Variants in FNDC3A observed in about 807,000 individuals in gnomAD.
FNDC3A encodes fibronectin type-III domain-containing protein 3A.
Under a neutral mutation model 148.9 loss-of-function variants are expected in FNDC3A, and 32 were observed. The ratio of observed to expected loss-of-function variants is 0.21; its 90% confidence interval spans 0.16 to 0.29. The LOEUF is 0.29. Ranked by LOEUF, FNDC3A falls within the 10% of genes least tolerant of loss-of-function variation. FNDC3A has a pLI of 1.00. For missense variants in FNDC3A, 1,191 were observed against 1,452.8 expected, an observed-to-expected ratio of 0.82 and a Z score of 2.93; for synonymous variants, 472 against 473.6, an observed-to-expected ratio of 1.00 and a Z score of 0.04.
chr13:49,128,614 A>G (rs1881847091), intron 4 of FNDC3A, among the ~76,000 whole-genome samples: 1 of 152,108 alleles, frequency 6.6e-6, no homozygotes, highest in Non-Finnish European at 1.5e-5. Context: ...CTTTGTGATG[A>G]TTTCCCATTC....
intron 2 of FNDC3A, among the ~76,000 whole-genome samples, chr13:49,019,203 C>T (rs554016288): frequency 3.6e-4 from 55 of 152,336 alleles, no homozygotes; most frequent in Middle Eastern, 3.4e-3. Context: ...CCCCCAGCCT[C>T]GCTGCTGCCT....
chr13:49,108,921 C>A (rs1228624398), intron 3 of FNDC3A, among the ~76,000 whole-genome samples: 1 of 152,212 alleles, frequency 6.6e-6, no homozygotes, highest in Admixed American at 6.5e-5. Flanking sequence ...GGGTGTCTTA[C>A]ATATATTTAT....
At chr13:49,050,193 G>A (rs935463207) in intron 2 of FNDC3A, among the ~76,000 whole-genome samples, 1 of 152,098 alleles carries the variant, frequency 6.6e-6, no homozygotes, top group Admixed American at 6.5e-5. Context: ...GATCTGGATT[G>A]TTCTTGTTTT....
chr13:49,094,598 T>TGA (rs1879403961), intron 3 of FNDC3A, among the ~76,000 whole-genome samples: 1 of 152,124 alleles, frequency 6.6e-6, no homozygotes. Flanking sequence ...GGAGATGTAG[T>TGA]GATAAGCAAC....
At chr13:49,206,383 T>C (rs1886645972) in intron 25 of FNDC3A, among the ~76,000 whole-genome samples, 1 of 152,130 alleles carries the variant, frequency 6.6e-6, no homozygotes, top group African/African-American at 2.4e-5. Context: ...AAGCTTGTGG[T>C]AGTTATTTAT....
rs1270555910 is a variant in FNDC3A at position 49,131,336 on chromosome 13, TGCCACA to T, written c.454_459del (p.Pro152_Gln153del). On this transcript the variant is annotated inframe_deletion, in exon 5 of 26. Coordinates refer to ENST00000492622, the MANE Select transcript of FNDC3A (RefSeq NM_001079673.2). ...GCTGGAGACATGACAACACAGTATATGCCACAGTATCAGTCTTCACAAGTCTATGGA... is the reference window on the plus strand; with the variant it reads ...GCTGGAGACATGACAACACAGTATATGTATCAGTCTTCACAAGTCTATGGA... 6.2e-7 allele frequency: 1 copy of T among 1,613,814 alleles called. No individual in the cohort carries two copies. The highest frequency in any genetic ancestry group is 8.5e-7 in the Non-Finnish European group (1 of 1,179,754).
At chr13:49,043,914 A>G (rs921601984) in intron 2 of FNDC3A, among the ~76,000 whole-genome samples, 1 of 152,228 alleles carries the variant, frequency 6.6e-6, no homozygotes, top group Non-Finnish European at 1.5e-5. Context: ...ATCTACATCT[A>G]TGTGACAGAA....
intron 13 of FNDC3A, among the ~76,000 whole-genome samples, 176 bp downstream of exon 13, chr13:49,175,717 C>T (rs932460009): frequency 6.6e-6 from 1 of 152,194 alleles, no homozygotes; most frequent in African/African-American, 2.4e-5. Context: ...TGCCTGATTG[C>T]CCTGGCCAGA....
intron 17 of FNDC3A, among the ~76,000 whole-genome samples, chr13:49,189,664 G>T (rs1377101884): frequency 1.3e-5 from 2 of 152,032 alleles, no homozygotes; most frequent in Non-Finnish European, 2.9e-5. Context: ...TGCCCAACTG[G>T]CTTGTGCTCC....
intron 3 of FNDC3A, among the ~76,000 whole-genome samples, chr13:49,077,209 G>T (rs1277714765): frequency 6.6e-6 from 1 of 152,210 alleles, no homozygotes; most frequent in East Asian, 1.9e-4. Flanking sequence ...AAAATTTGAG[G>T]CTGCAGTGAG....
chr13:49,165,890 C>A (rs1327275853), intron 8 of FNDC3A, among the ~76,000 whole-genome samples: 1 of 152,026 alleles, frequency 6.6e-6, no homozygotes. Flanking sequence ...TGATTAAAGG[C>A]AGGTTGGGTG....
Position 49,203,144 on chromosome 13 carries a change from T to G in FNDC3A, c.3155-13T>G. ...CAAGTGGAACAGATATTATTTATAT[T>G]TGTTTCCTACAGCCCCCAAAATAGA... On this transcript the variant is annotated splice_polypyrimidine_tract_variant and intron_variant, in intron 24 of 25. Transcript: ENST00000492622. 6.4e-7 allele frequency: 1 copy of G among 1,561,364 alleles called. No homozygotes were observed. The highest frequency in any genetic ancestry group is 1.2e-5 in the South Asian group (1 of 85,552).
intron 23 of FNDC3A, 145 bp downstream of exon 23, chr13:49,198,719 C>T: frequency 3.0e-6 from 2 of 656,198 alleles, no homozygotes; most frequent in East Asian, 5.5e-5. Flanking sequence ...ATTGCTTGAG[C>T]CCAGGAGTGC....
intron 2 of FNDC3A, among the ~76,000 whole-genome samples, chr13:49,056,076 A>G (rs1876216701): frequency 6.6e-6 from 1 of 151,880 alleles, no homozygotes. Context: ...AGTCCCAGCT[A>G]CTCAGAGGCT....
At chr13:49,106,788 A>AC (rs1419129342) in intron 3 of FNDC3A, among the ~76,000 whole-genome samples, 1 of 150,848 alleles carries the variant, frequency 6.6e-6, no homozygotes, top group Non-Finnish European at 1.5e-5. Context: ...AAAAAAAAAA[A>AC]AAAAACCAAC....
intron 2 of FNDC3A, among the ~76,000 whole-genome samples, chr13:49,013,603 CG>C (rs1316199271): frequency 3.3e-5 from 5 of 151,072 alleles, no homozygotes; most frequent in Non-Finnish European, 5.9e-5. Flanking sequence ...TAGATGTACA[CG>C]TGTATACATG....
At chr13:49,122,667 A>T (rs952282608) in intron 4 of FNDC3A, among the ~76,000 whole-genome samples, 9 of 152,232 alleles carry the variant, frequency 5.9e-5, no homozygotes, top group Non-Finnish European at 1.2e-4. Flanking sequence ...ATACAAAATC[A>T]ATGTGCAAAA....
intron 1 of FNDC3A, among the ~76,000 whole-genome samples, chr13:48,983,702 T>A (rs1593435467): frequency 6.6e-6 from 1 of 152,224 alleles, no homozygotes; most frequent in East Asian, 1.9e-4. Flanking sequence ...TTCTGTATTC[T>A]GGGTGCTATT....
chr13:49,029,668 T>G (rs1224062604), intron 2 of FNDC3A, among the ~76,000 whole-genome samples: 2 of 152,182 alleles, frequency 1.3e-5, no homozygotes, highest in East Asian at 3.8e-4. Flanking sequence ...CCCTTTTAAG[T>G]AGACAAGAAA....
Sources: allele counts gnomAD v4.1 joint callset (sites outside exome capture counted in the v4.1 genomes callset), GRCh38; gene constraint gnomAD v4.1.1; transcripts MANE v1.5; gene names NCBI Gene and HGNC (gene_info 2026-07-23, HGNC 2026-07-21).